RSRC1: variants seen among roughly 807,000 people sequenced by gnomAD.
RSRC1 encodes the protein arginine and serine rich coiled-coil 1, also known as serine/Arginine-related protein 53.
In RSRC1, 39 loss-of-function variants were observed where a neutral mutation model predicts 49.1. The observed-to-expected ratio is 0.79, with a 90% CI of 0.61 to 1.04. The LOEUF is 1.04. RSRC1 is among the 50% of genes least tolerant of loss of function. RSRC1 has a pLI of 0.00. For synonymous variants in RSRC1, 143 were observed against 130.8 expected (o/e 1.09, Z -0.63); for missense variants, 388 against 402.4 (o/e 0.96, Z 0.31).
chr3:158,128,409 A>G (rs1486156456), intron 3 of RSRC1, among the ~76,000 whole-genome samples: 2 of 152,036 alleles, frequency 1.3e-5, no homozygotes, highest in Non-Finnish European at 2.9e-5. Flanking sequence ...TTTGGTTTGT[A>G]TATTGTTTTA....
intron 5 of RSRC1, among the ~76,000 whole-genome samples, chr3:158,345,105 G>A (rs1422517238): frequency 6.6e-6 from 1 of 151,896 alleles, no homozygotes; most frequent in Non-Finnish European, 1.5e-5. Context: ...TCGGGCACCT[G>A]TAGTCCCAGC....
intron 3 of RSRC1, among the ~76,000 whole-genome samples, chr3:158,167,946 G>A (rs1718634940): frequency 6.6e-6 from 1 of 152,138 alleles, no homozygotes; most frequent in African/African-American, 2.4e-5. Context: ...AGGGAGCAAA[G>A]GCGAGACATT....
intron 5 of RSRC1, among the ~76,000 whole-genome samples, chr3:158,331,195 C>T (rs1578348067): frequency 6.6e-6 from 1 of 152,156 alleles, no homozygotes; most frequent in Admixed American, 6.5e-5. Flanking sequence ...ACACACACAG[C>T]CAAACCATAT....
chr3:158,455,210 C>A (rs2108396231), intron 6 of RSRC1, among the ~76,000 whole-genome samples: 1 of 152,168 alleles, frequency 6.6e-6, no homozygotes, highest in East Asian at 1.9e-4. Context: ...CATCTGCTTT[C>A]TGTTTAAGAA....
intron 7 of RSRC1, among the ~76,000 whole-genome samples, chr3:158,489,593 A>G (rs1738981266): frequency 6.6e-6 from 1 of 152,114 alleles, no homozygotes; most frequent in Admixed American, 6.5e-5. Flanking sequence ...TATGTAAAAC[A>G]AACCAGTAAA....
chr3:158,272,255 T>C (rs1725562083), intron 4 of RSRC1, among the ~76,000 whole-genome samples: 1 of 152,138 alleles, frequency 6.6e-6, no homozygotes, highest in African/African-American at 2.4e-5. Context: ...AACGGCCTTA[T>C]TGAATGGAAT....
At position 158,321,974 on chromosome 3, in the gene RSRC1, TACACACAC is replaced by T. The variant is rs71144456; in HGVS notation, c.531+23925_531+23932del. ...ATTAAGAGAAGAAACTTTTAACACC[TACACACAC>T]ACACACACACACACACACACACACA... On this transcript the variant is annotated intron_variant, in intron 5 of 9. Coordinates refer to ENST00000611884, the MANE Select transcript of RSRC1 (RefSeq NM_001271838.2). 3.0e-3 allele frequency among the ~76,000 whole-genome samples: 439 copies of T among 148,482 alleles called. 3 individuals carry two copies. Among genetic ancestry groups the T allele is most frequent in the South Asian group, 4.9e-3 (23 of 4,658 alleles).
intron 7 of RSRC1, among the ~76,000 whole-genome samples, chr3:158,486,059 A>G (rs1738808153): frequency 6.6e-6 from 1 of 152,202 alleles, no homozygotes; most frequent in Non-Finnish European, 1.5e-5. Flanking sequence ...CATTTCTCTA[A>G]GTATTTAGCA....
chr3:158,476,914 TGATTTATAGGA>T (rs1738391280), intron 7 of RSRC1, among the ~76,000 whole-genome samples: 1 of 152,136 alleles, frequency 6.6e-6, no homozygotes, highest in South Asian at 2.1e-4. Flanking sequence ...AGAACATTTG[TGATTTATAGGA>T]GATCAGAATA....
chr3:158,367,475 A>G (rs1731836236), intron 6 of RSRC1, among the ~76,000 whole-genome samples: 1 of 152,182 alleles, frequency 6.6e-6, no homozygotes. Context: ...CTTGCATCCC[A>G]GGGATGAAGC....
intron 3 of RSRC1, among the ~76,000 whole-genome samples, chr3:158,195,861 C>G (rs1335441738): frequency 6.6e-6 from 1 of 151,992 alleles, no homozygotes; most frequent in Non-Finnish European, 1.5e-5. Flanking sequence ...ATCTATATCT[C>G]TGTTTTGGTA....
intron 3 of RSRC1, among the ~76,000 whole-genome samples, chr3:158,151,790 G>C (rs745591701): frequency 8.6e-5 from 13 of 151,888 alleles, no homozygotes; most frequent in Admixed American, 3.3e-4. Context: ...TATGTAGTCA[G>C]TAAATACTGT....
intron 5 of RSRC1, among the ~76,000 whole-genome samples, chr3:158,354,333 G>C (rs1731046014): frequency 1.3e-5 from 2 of 152,118 alleles, no homozygotes; most frequent in Non-Finnish European, 2.9e-5. Context: ...TTGAATCAAG[G>C]TTCACTGAAA....
intron 3 of RSRC1, among the ~76,000 whole-genome samples, chr3:158,148,366 CGT>C (rs71144442): frequency 9.4e-5 from 14 of 149,676 alleles, no homozygotes; most frequent in South Asian, 4.2e-4. Flanking sequence ...TGTGTGTGTG[CGT>C]GTGTGTGTGT....
chr3:158,475,813 G>A (rs1242881173), intron 7 of RSRC1, among the ~76,000 whole-genome samples: 1 of 152,000 alleles, frequency 6.6e-6, no homozygotes, highest in African/African-American at 2.4e-5. Context: ...TAACCTTACA[G>A]TGGCCTCTAA....
rs1578235561 is a variant in RSRC1 at position 158,243,058 on chromosome 3, T to G, written c.494+39813T>G. 3.3e-5 allele frequency among the ~76,000 whole-genome samples: 5 copies of G among 152,292 alleles called. No homozygotes were observed. The South Asian group carries it at 1.0e-3, about 32-fold the overall frequency. Reference sequence around the variant, plus strand: ...GGAGAAGCTCTTTAGTTTTATCAGATTCCCTATGTCAATTTTTGCTTTTGT... The same window carrying G: ...GGAGAAGCTCTTTAGTTTTATCAGAGTCCCTATGTCAATTTTTGCTTTTGT... On this transcript the variant is annotated intron_variant, in intron 4 of 9. Transcript: ENST00000611884.
chr3:158,291,172 T>A (rs567293406), intron 4 of RSRC1, among the ~76,000 whole-genome samples: 3 of 152,230 alleles, frequency 2.0e-5, no homozygotes, highest in Non-Finnish European at 4.4e-5. Context: ...CCAGCCTGGG[T>A]GACAGAATGT....
chr3:158,417,131 A>C (rs11717725), intron 6 of RSRC1, among the ~76,000 whole-genome samples: 76,193 of 151,844 alleles, frequency 0.5, 19,411 homozygotes, highest in South Asian at 0.6. Context: ...ACATATCACT[A>C]GTTGAACAGT....
chr3:158,516,087 TTC>T (rs1740509623), intron 7 of RSRC1, among the ~76,000 whole-genome samples: 1 of 152,262 alleles, frequency 6.6e-6, no homozygotes, highest in African/African-American at 2.4e-5. Flanking sequence ...TGAAGCCTTC[TTC>T]TCTCAGCTCG....
Sources: gnomAD v4.1 joint callset for allele counts (sites outside exome capture counted in the v4.1 genomes callset) on GRCh38, gnomAD v4.1.1 for gene constraint, MANE v1.5 for transcripts, NCBI Gene and HGNC (gene_info 2026-07-23, HGNC 2026-07-21) for gene names.